The following SGCZ variants were observed in gnomAD, a reference collection of about 807,000 sequenced individuals.
SGCZ encodes zeta-sarcoglycan.
SGCZ carries 40 observed loss-of-function variants against 41.3 expected under a neutral mutation model. The observed-to-expected ratio is 0.97, with a 90% CI of 0.75 to 1.26. The LOEUF (loss-of-function observed/expected upper bound fraction) is 1.26, where lower values mean the gene tolerates loss of function less well. Ranked by LOEUF, SGCZ falls within the 50% of genes most tolerant of loss-of-function variation. SGCZ has a pLI of 0.00. For missense variants in SGCZ, 552 were observed against 369.8 expected (o/e 1.49, Z -4.04); for synonymous variants, 206 against 137.5 (o/e 1.50, Z -3.49).
intron 1 of SGCZ, among the ~76,000 whole-genome samples, chr8:14,971,949 T>A (rs1051318196): frequency 6.6e-6 from 1 of 152,180 alleles, no homozygotes; most frequent in Admixed American, 6.5e-5. Context: ...AAAACTTTTG[T>A]TTTGAATTTA....
At chr8:14,103,442 G>A (rs1486636578) in intron 6 of SGCZ, among the ~76,000 whole-genome samples, 1 of 152,096 alleles carries the variant, frequency 6.6e-6, no homozygotes, top group African/African-American at 2.4e-5. Context: ...GTCCCCTCGG[G>A]CTCACATTCA....
chr8:15,185,272 C>G (rs781431947), intron 1 of SGCZ, among the ~76,000 whole-genome samples: 1 of 152,144 alleles, frequency 6.6e-6, no homozygotes, highest in Non-Finnish European at 1.5e-5. Flanking sequence ...GAATTAACAA[C>G]AGCAGATTTT....
At chr8:14,450,313 C>T (rs1800554849) in intron 2 of SGCZ, among the ~76,000 whole-genome samples, 2 of 143,302 alleles carry the variant, frequency 1.4e-5, no homozygotes, top group Admixed American at 1.4e-4. Context: ...CCTAATCCTG[C>T]AAGTATTGCG....
At chr8:15,204,600 T>C (rs1801002154) in intron 1 of SGCZ, among the ~76,000 whole-genome samples, 1 of 152,138 alleles carries the variant, frequency 6.6e-6, no homozygotes, top group East Asian at 1.9e-4. Flanking sequence ...GGGTCTTCCC[T>C]TCCTTTGCGA....
intron 1 of SGCZ, among the ~76,000 whole-genome samples, chr8:14,796,612 C>T (rs572411383): frequency 4.6e-5 from 7 of 152,176 alleles, no homozygotes; most frequent in African/African-American, 1.7e-4. Context: ...GAATCTGGTA[C>T]CTTAAACCAC....
intron 1 of SGCZ, among the ~76,000 whole-genome samples, chr8:14,894,075 T>G (rs1805112224): frequency 6.6e-6 from 1 of 152,162 alleles, no homozygotes; most frequent in Non-Finnish European, 1.5e-5. Context: ...TAAGAAATAT[T>G]TAATTAATTG....
chr8:14,091,082 C>A (rs147826577), intron 7 of SGCZ, among the ~76,000 whole-genome samples: 1,544 of 152,010 alleles, frequency 0.01, 28 homozygotes, highest in African/African-American at 0.035. Context: ...TGAGAACATG[C>A]AGTGTTTGGT....
intron 3 of SGCZ, among the ~76,000 whole-genome samples, chr8:14,278,953 T>C (rs772872809): frequency 6.6e-6 from 1 of 152,124 alleles, no homozygotes; most frequent in African/African-American, 2.4e-5. Context: ...AGGCCATGTA[T>C]CTCTCTGAAT....
chr8:14,554,102 T>C (rs1585074905), intron 2 of SGCZ, among the ~76,000 whole-genome samples: 1 of 152,072 alleles, frequency 6.6e-6, no homozygotes, highest in East Asian at 1.9e-4. Flanking sequence ...ACTTCATTAA[T>C]ACATTATACA....
intron 1 of SGCZ, among the ~76,000 whole-genome samples, chr8:14,617,592 T>C (rs1585128814): frequency 6.6e-6 from 1 of 152,258 alleles, no homozygotes; most frequent in Middle Eastern, 3.4e-3. Flanking sequence ...GTCCTAACCA[T>C]AAATACACTT....
At chr8:15,028,646 A>G (rs1803544423) in intron 1 of SGCZ, among the ~76,000 whole-genome samples, 1 of 152,118 alleles carries the variant, frequency 6.6e-6, no homozygotes, top group Non-Finnish European at 1.5e-5. Flanking sequence ...AAGTGGATAA[A>G]ATGTGAATCC....
chr8:14,201,744 C>T (rs1035615030), intron 4 of SGCZ, among the ~76,000 whole-genome samples: 4 of 152,086 alleles, frequency 2.6e-5, no homozygotes, highest in African/African-American at 7.2e-5. Context: ...AAGCTCTATA[C>T]TGAAGTAGGA....
chr8:14,838,295 T>C (rs574230844), intron 1 of SGCZ, among the ~76,000 whole-genome samples: 3 of 152,302 alleles, frequency 2.0e-5, no homozygotes, highest in African/African-American at 7.2e-5. Context: ...TATATTTTGA[T>C]GTTTGGTATC....
At chr8:14,250,177 T>C (rs986692944) in intron 3 of SGCZ, among the ~76,000 whole-genome samples, 1 of 152,160 alleles carries the variant, frequency 6.6e-6, no homozygotes, top group African/African-American at 2.4e-5. Flanking sequence ...GGACTAGAAA[T>C]GGACTTCCAA....
At chr8:14,255,547 T>A in intron 3 of SGCZ, among the ~76,000 whole-genome samples, 1 of 150,150 alleles carries the variant, frequency 6.7e-6, no homozygotes, top group Non-Finnish European at 1.5e-5. Context: ...ATAAATTTGT[T>A]TTATCATCGC....
chr8:15,037,278 T>G (rs886659404), intron 1 of SGCZ, among the ~76,000 whole-genome samples: 1 of 152,190 alleles, frequency 6.6e-6, no homozygotes, highest in African/African-American at 2.4e-5. Context: ...TCACAAAATC[T>G]AATGATTTTA....
chr8:15,125,189 T>C (rs1276274137), intron 1 of SGCZ, among the ~76,000 whole-genome samples: 1 of 152,158 alleles, frequency 6.6e-6, no homozygotes, highest in Non-Finnish European at 1.5e-5. Flanking sequence ...GATGATCGAA[T>C]TACAAAATAA....
chr8:14,860,216 T>A (rs1302735103), intron 1 of SGCZ, among the ~76,000 whole-genome samples: 1 of 152,204 alleles, frequency 6.6e-6, no homozygotes, highest in East Asian at 1.9e-4. Flanking sequence ...TTTCTTCTTA[T>A]TGACATTTTA....
At chr8:14,802,292 C>G (rs1289263444) in intron 1 of SGCZ, among the ~76,000 whole-genome samples, 1 of 152,178 alleles carries the variant, frequency 6.6e-6, no homozygotes, top group African/African-American at 2.4e-5. Flanking sequence ...GAATAAATCA[C>G]TAAGCTGCCA....
Sources: gnomAD v4.1 joint callset for allele counts (sites outside exome capture counted in the v4.1 genomes callset) on GRCh38, gnomAD v4.1.1 for gene constraint, MANE v1.5 for transcripts, NCBI Gene and HGNC (gene_info 2026-07-23, HGNC 2026-07-21) for gene names.